MEIS1: variants seen among roughly 807,000 people sequenced by gnomAD.
MEIS1 encodes Meis homeobox 1.
Under a neutral mutation model 50.8 loss-of-function variants are expected in MEIS1, and 5 were observed. The ratio of observed to expected loss-of-function variants is 0.10; its 90% confidence interval spans 0.05 to 0.21. MEIS1 has a LOEUF of 0.21. Ranked by LOEUF, MEIS1 falls within the 10% of genes least tolerant of loss-of-function variation. MEIS1 has a pLI of 1.00. For missense variants in MEIS1, 318 were observed against 517.3 expected (o/e 0.61, Z 3.74); for synonymous variants, 176 against 179.3 (o/e 0.98, Z 0.15).
intron 7 of MEIS1, among the ~76,000 whole-genome samples, chr2:66,475,272 T>C (rs1341492597): frequency 5.5e-5 from 8 of 146,554 alleles, no homozygotes; most frequent in Non-Finnish European, 1.2e-4. Flanking sequence ...ATATATAATA[T>C]ATTATATATA....
At chr2:66,452,153 C>T (rs1419942367) in intron 6 of MEIS1, among the ~76,000 whole-genome samples, 2 of 151,838 alleles carry the variant, frequency 1.3e-5, no homozygotes, top group African/African-American at 4.8e-5. Flanking sequence ...AAAGTTCCCA[C>T]CAGATCTGGA....
intron 6 of MEIS1, among the ~76,000 whole-genome samples, chr2:66,446,652 C>T (rs1274598191): frequency 6.6e-6 from 1 of 152,240 alleles, no homozygotes; most frequent in African/African-American, 2.4e-5. Flanking sequence ...CTGCACAGGA[C>T]GCCCTGTTGC....
chr2:66,437,666 C>T, intron 1 of MEIS1, 71 bp from the exon 2 acceptor site: 1 of 1,385,646 alleles, frequency 7.2e-7, no homozygotes, highest in Non-Finnish European at 1.0e-6. Context: ...TATATAAGCT[C>T]GGTGCCTTGC....
chr2:66,460,739 TTTGTTGTTGTTGTTG>T, intron 6 of MEIS1, among the ~76,000 whole-genome samples: 1 of 151,844 alleles, frequency 6.6e-6, no homozygotes. Context: ...CAACAACTTC[TTTGTTGTTGTTGTTG>T]TTGTTGTTGT....
At chr2:66,483,063 A>T (rs965384140) in intron 7 of MEIS1, among the ~76,000 whole-genome samples, 2 of 152,196 alleles carry the variant, frequency 1.3e-5, no homozygotes, top group South Asian at 2.1e-4. Context: ...AAGTTAATAT[A>T]TAGAATTTTG....
At chr2:66,525,072 G>T (rs115913078) in intron 8 of MEIS1, among the ~76,000 whole-genome samples, 1 of 152,014 alleles carries the variant, frequency 6.6e-6, no homozygotes, top group Non-Finnish European at 1.5e-5. Flanking sequence ...ACTTAGCCTG[G>T]TGTGGCGGGG....
intron 7 of MEIS1, among the ~76,000 whole-genome samples, chr2:66,486,196 G>A (rs142736949): frequency 9.2e-5 from 14 of 152,268 alleles, no homozygotes; most frequent in East Asian, 1.9e-4. Flanking sequence ...GAATGTTATC[G>A]CCTAGGTTTT....
Position 66,509,974 on chromosome 2 carries a change from AT to A in MEIS1, c.743-2167del, listed in dbSNP as rs575188105. The stretch of plus-strand genomic sequence containing the variant: ...GGGGTTTGAGGTGGATAAAAAGGCT[AT>A]TTTTTTTAAAGGTGGAAAATAATCA... On this transcript the variant is annotated intron_variant, in intron 7 of 12. Transcript: ENST00000272369. Among the ~76,000 whole-genome samples the A allele has an allele frequency of 1.6e-4, 25 of 152,106 alleles. No homozygotes were observed. In the South Asian group the frequency reaches 3.9e-3, roughly 24 times the overall value.
At position 66,559,938 on chromosome 2, in the gene MEIS1, A is replaced by T. The variant is rs13023965; in HGVS notation, c.966-7515A>T. Among the ~76,000 whole-genome samples, 1,140 of 152,200 alleles carry T rather than the reference A, an allele frequency of 7.5e-3. 3 individuals carry two copies. The highest frequency in any genetic ancestry group is 0.013 in the Non-Finnish European group (864 of 68,018). ...CAGCTTCCCTAGTAGCTGGGACTACAGGTGTGCACAACCAGACCCAGCTAA... is the reference window on the plus strand; with the variant it reads ...CAGCTTCCCTAGTAGCTGGGACTACTGGTGTGCACAACCAGACCCAGCTAA... On this transcript the variant is annotated intron_variant, in intron 9 of 12. Coordinates refer to ENST00000272369, the MANE Select transcript of MEIS1 (RefSeq NM_002398.3).
chr2:66,439,901 A>G lies in MEIS1; in HGVS notation c.298A>G (p.Thr100Ala). Residue 100 changes from threonine (T) to alanine (A), a missense_variant, in exon 3 of 13, where the codon ACC becomes GCC. By Grantham distance (58) the Thr-to-Ala change is moderately conservative (BLOSUM62 0). Around this residue, in one of 6 missense-constraint regions of MEIS1, gnomAD observed 75 missense variants for 153.7 expected, o/e 0.49. Coordinates refer to ENST00000272369, the MANE Select transcript of MEIS1 (RefSeq NM_002398.3). ...IFEKCELATC[T>A]PREPGVAGGD... is the part of the protein sequence containing the mutation. ...TGAGAAATGTGAATTAGCTACTTGT[A>G]CCCCCCGCGAGCCGGGGGTGGCGGG... 6.2e-7 allele frequency: 1 copy of G among 1,610,462 alleles called. No homozygotes were observed. The highest frequency in any genetic ancestry group is 2.2e-5 in the East Asian group (1 of 44,744).
chr2:66,527,685 A>G (rs1026440693), intron 8 of MEIS1, among the ~76,000 whole-genome samples: 1 of 150,472 alleles, frequency 6.6e-6, no homozygotes, highest in Admixed American at 6.6e-5. Context: ...GCCTTTATCT[A>G]TGAATACCTT....
intron 8 of MEIS1, among the ~76,000 whole-genome samples, chr2:66,521,331 C>G (rs967961487): frequency 1.1e-4 from 16 of 151,410 alleles, no homozygotes; most frequent in African/African-American, 3.9e-4. Context: ...CTAACTAAAC[C>G]TTCTAACACA....
chr2:66,446,824 C>T (rs1672162972), intron 6 of MEIS1, among the ~76,000 whole-genome samples: 1 of 152,232 alleles, frequency 6.6e-6, no homozygotes, highest in Non-Finnish European at 1.5e-5. Context: ...GAGCGCAGGG[C>T]CGCCAGGCCT....
Position 66,572,982 on chromosome 2 carries a change from G to C in MEIS1, c.*1774G>C, listed in dbSNP as rs1248242664. Reference sequence around the variant, plus strand: ...GCCTAAAGGCACTAAACTAACTCTAGACTCAGAATTACATCCAACAGAATT... The same window carrying C: ...GCCTAAAGGCACTAAACTAACTCTACACTCAGAATTACATCCAACAGAATT... On this transcript the variant is annotated 3_prime_UTR_variant, in exon 13 of 13. Coordinates refer to ENST00000272369, the MANE Select transcript of MEIS1 (RefSeq NM_002398.3). The C allele has an allele frequency of 6.6e-6, 1 of 152,102 alleles. No homozygotes were observed. Among genetic ancestry groups the C allele is most frequent in the Non-Finnish European group, 1.5e-5 (1 of 68,020 alleles). The allele number at this position is 152,102 out of a possible 1,614,324, so 9.4% of individuals were successfully genotyped here. A position where few individuals can be genotyped will look rare whatever the true frequency, so the allele number is the denominator to read the frequency against.
rs142936867 is a variant in MEIS1 at position 66,494,457 on chromosome 2, C to A, written c.743-17692C>A. ...AAATTTATTATCTCAATCTGCTATT[C>A]ATCTAACAAACTCCAACTGCCTGCT... is the stretch of plus-strand genomic sequence containing the variant. On this transcript the variant is annotated intron_variant, in intron 7 of 12. Transcript: ENST00000272369. 5.3e-3 allele frequency among the ~76,000 whole-genome samples: 814 copies of A among 152,282 alleles called. 7 individuals carry two copies. Among genetic ancestry groups the A allele is most frequent in the African/African-American group, 0.018 (762 of 41,546 alleles).
chr2:66,493,360 T>G (rs1189325913), intron 7 of MEIS1, among the ~76,000 whole-genome samples: 1 of 152,192 alleles, frequency 6.6e-6, no homozygotes, highest in Non-Finnish European at 1.5e-5. Flanking sequence ...CCTCTCCCAG[T>G]TTAACATGAA....
intron 9 of MEIS1, 80 bp from the exon 10 acceptor site, chr2:66,567,373 T>A: frequency 6.9e-7 from 1 of 1,446,868 alleles, no homozygotes; most frequent in Non-Finnish European, 9.5e-7. Context: ...TTACTCCAAC[T>A]GCGATTCATC....
chr2:66,470,020 C>T (rs921914156), intron 7 of MEIS1, among the ~76,000 whole-genome samples: 3 of 151,826 alleles, frequency 2.0e-5, no homozygotes, highest in South Asian at 4.2e-4. Context: ...TGGTTACAAA[C>T]GGTAATTTTT....
At chr2:66,440,914 T>C in intron 4 of MEIS1, 6 of 454,428 alleles carry the variant, frequency 1.3e-5, no homozygotes, top group Non-Finnish European at 2.3e-5. Context: ...TCAGCATGTG[T>C]GCTTAAACTT....
Sources: allele counts gnomAD v4.1 joint callset (sites outside exome capture counted in the v4.1 genomes callset), GRCh38; gene constraint gnomAD v4.1.1; regional missense constraint gnomAD v4.1.1; transcripts MANE v1.5; gene names NCBI Gene and HGNC (gene_info 2026-07-23, HGNC 2026-07-21).